Variants in KAZN observed in about 807,000 individuals in gnomAD.
KAZN encodes the protein kazrin, periplakin interacting protein.
A neutral mutation model predicts 87.4 loss-of-function variants in KAZN; 40 were observed. That is an observed-to-expected ratio of 0.46 (90% CI 0.36 to 0.60). The LOEUF (loss-of-function observed/expected upper bound fraction) is 0.60. Ranked by LOEUF, KAZN falls within the 20% of genes least tolerant of loss-of-function variation. The pLI is 0.00. For synonymous variants in KAZN, 466 were observed against 458.3 expected (o/e 1.02, Z -0.22); for missense variants, 898 against 1,073.9 (o/e 0.84, Z 2.29).
intron 2 of KAZN, among the ~76,000 whole-genome samples, chr1:14,233,140 T>G (rs1228764518): frequency 6.7e-6 from 1 of 149,620 alleles, no homozygotes; most frequent in Non-Finnish European, 1.5e-5. Context: ...ATTCTTTTAT[T>G]TTTTTTTTTG....
Position 14,820,842 on chromosome 1 carries a change from G to T in KAZN, c.227-139842G>T, listed in dbSNP as rs1432844396. Among the ~76,000 whole-genome samples, 1 of 152,174 alleles carries T rather than the reference G, an allele frequency of 6.6e-6. No homozygotes were observed. Among genetic ancestry groups the T allele is most frequent in the African/African-American group, 2.4e-5 (1 of 41,426 alleles). ...GCCATGGCAGTCTGATGCAGGGAAG[G>T]GATACGCCCAAGATGGCCAGGAGAG... On this transcript the variant is annotated intron_variant, in intron 1 of 14. Transcript: ENST00000376030. This position sits in a 1 kb window ranked among gnomAD's most constrained non-coding sequence, Gnocchi z 4.1.
intron 3 of KAZN, among the ~76,000 whole-genome samples, chr1:15,040,335 C>G (rs1275666934): frequency 1.3e-5 from 2 of 152,220 alleles, no homozygotes; most frequent in Admixed American, 1.3e-4. Flanking sequence ...CCATGGCCCA[C>G]CCAACTTCTC....
intron 1 of KAZN, among the ~76,000 whole-genome samples, chr1:13,910,057 C>A (rs1172777768): frequency 2.0e-5 from 3 of 152,106 alleles, no homozygotes; most frequent in African/African-American, 7.2e-5. Flanking sequence ...GATCTGTGTC[C>A]CCATCCAAAT....
At chr1:14,906,907 G>A (rs763654305) in intron 1 of KAZN, among the ~76,000 whole-genome samples, 10 of 151,814 alleles carry the variant, frequency 6.6e-5, no homozygotes, top group Non-Finnish European at 1.3e-4. Flanking sequence ...TACAAATGCT[G>A]AGATGAGTAC....
At chr1:13,947,497 C>T (rs577816206) in intron 1 of KAZN, among the ~76,000 whole-genome samples, 8 of 152,208 alleles carry the variant, frequency 5.3e-5, no homozygotes, top group Middle Eastern at 3.4e-3. Flanking sequence ...TGGGTGGGGA[C>T]GCAGAGCCAA....
chr1:14,842,914 G>C (rs1260900064), intron 1 of KAZN, among the ~76,000 whole-genome samples: 2 of 152,086 alleles, frequency 1.3e-5, no homozygotes, highest in East Asian at 1.9e-4. Flanking sequence ...TGGGGTTTTT[G>C]TTGCTCCTTG....
intron 2 of KAZN, among the ~76,000 whole-genome samples, chr1:14,511,306 C>A (rs1670892838): frequency 1.3e-5 from 2 of 152,156 alleles, no homozygotes; most frequent in Admixed American, 1.3e-4. Flanking sequence ...TCATTAAGTT[C>A]TTGTGGGCTT....
chr1:14,180,563 T>C (rs1282587694), exon 2 of KAZN: 2 of 1,550,222 alleles, frequency 1.3e-6, no homozygotes, highest in Non-Finnish European at 8.7e-7. Flanking sequence ...TTCCATGATA[T>C]TGATGAGGCA....
chr1:13,924,852 T>C (rs897039721), intron 1 of KAZN, among the ~76,000 whole-genome samples: 6 of 152,220 alleles, frequency 3.9e-5, no homozygotes, highest in African/African-American at 1.2e-4. Flanking sequence ...TGAGGCTGTG[T>C]CATGGATGCG....
chr1:13,925,042 A>G (rs1640221163), intron 1 of KAZN, among the ~76,000 whole-genome samples: 1 of 152,206 alleles, frequency 6.6e-6, no homozygotes, highest in African/African-American at 2.4e-5. Flanking sequence ...ATCAGCTCAC[A>G]TAGAACCCCA....
intron 1 of KAZN, chr1:14,929,944 T>G (rs976058082): frequency 5.1e-6 from 5 of 985,318 alleles, no homozygotes; most frequent in Non-Finnish European, 4.8e-6. Context: ...AGGATATCAA[T>G]TGTGGCAATT....
At chr1:14,192,381 A>C (rs1413324004) in intron 2 of KAZN, among the ~76,000 whole-genome samples, 4 of 152,196 alleles carry the variant, frequency 2.6e-5, no homozygotes, top group African/African-American at 7.2e-5. Flanking sequence ...CTCCCTGAGC[A>C]GAGGTGTCTG....
intron 1 of KAZN, among the ~76,000 whole-genome samples, chr1:14,850,150 G>A (rs936515848): frequency 2.0e-5 from 3 of 152,052 alleles, no homozygotes; most frequent in African/African-American, 4.8e-5. Context: ...TTGCCAGGAT[G>A]GTCTCGATCT....
chr1:14,205,999 T>A (rs1383144802), intron 2 of KAZN, among the ~76,000 whole-genome samples: 1 of 151,058 alleles, frequency 6.6e-6, no homozygotes, highest in African/African-American at 2.4e-5. Flanking sequence ...TGTGCACATG[T>A]ACCCTAAAAC....
At chr1:14,971,389 C>T (rs1665012655) in intron 2 of KAZN, among the ~76,000 whole-genome samples, 1 of 152,192 alleles carries the variant, frequency 6.6e-6, no homozygotes, top group Non-Finnish European at 1.5e-5. Flanking sequence ...CAGAGCGAGA[C>T]TGTCTCAAAC....
At chr1:14,331,330 A>G (rs1163605287) in intron 2 of KAZN, among the ~76,000 whole-genome samples, 1 of 152,154 alleles carries the variant, frequency 6.6e-6, no homozygotes, top group Non-Finnish European at 1.5e-5. Context: ...CGTCTTATAT[A>G]TGCACCCGCA....
intron 2 of KAZN, among the ~76,000 whole-genome samples, chr1:14,267,981 A>G (rs1270938917): frequency 6.6e-6 from 1 of 152,124 alleles, no homozygotes; most frequent in Non-Finnish European, 1.5e-5. Context: ...AGAAAAGAAA[A>G]GCTGTTATGT....
At chr1:14,731,121 A>C (rs1158054050) in intron 1 of KAZN, among the ~76,000 whole-genome samples, 4 of 152,234 alleles carry the variant, frequency 2.6e-5, no homozygotes, top group Admixed American at 1.3e-4. Context: ...GGAGAACTGC[A>C]TCATTAGCAT....
intron 1 of KAZN, among the ~76,000 whole-genome samples, chr1:14,847,844 G>A (rs1162308150): frequency 1.3e-5 from 2 of 152,164 alleles, no homozygotes; most frequent in South Asian, 2.1e-4. Flanking sequence ...TTAGCCAGGC[G>A]TGATGGCCAC....
Sources: gnomAD v4.1 joint callset for allele counts (sites outside exome capture counted in the v4.1 genomes callset) on GRCh38, gnomAD v4.1.1 for gene constraint, Gnocchi (gnomAD v3.1) non-coding constraint, MANE v1.5 for transcripts, NCBI Gene and HGNC (gene_info 2026-07-23, HGNC 2026-07-21) for gene names.